DDX60L: variants seen among roughly 807,000 people sequenced by gnomAD.
DDX60L encodes the protein probable ATP-dependent RNA helicase DDX60-like.
DDX60L carries 191 observed loss-of-function variants against 211.6 expected under a neutral mutation model. The ratio of observed to expected loss-of-function variants is 0.90; its 90% confidence interval spans 0.80 to 1.02. The LOEUF (loss-of-function observed/expected upper bound fraction) is 1.02. DDX60L is among the 50% of genes least tolerant of loss of function. DDX60L has a pLI of 0.00. For synonymous variants in DDX60L, 706 were observed against 694.1 expected (o/e 1.02, Z -0.27); for missense variants, 2,007 against 1,984.1 (o/e 1.01, Z -0.22).
Position 168,441,384 on chromosome 4 carries a change from C to G in DDX60L, c.1247G>C (p.Arg416Thr). The G allele has an allele frequency of 6.2e-7, 1 of 1,612,058 alleles. No homozygotes were observed. The highest frequency in any genetic ancestry group is 8.5e-7 in the Non-Finnish European group (1 of 1,179,058). Reference sequence around the variant, plus strand: ...TCTAAGAAAATGTCTTCTTGTTGTTCTCAGAGGAAAAGACTTTCCAACGTT... The same window carrying G: ...TCTAAGAAAATGTCTTCTTGTTGTTGTCAGAGGAAAAGACTTTCCAACGTT... ...EFNVGKSFPL[R>T]TTRRHFLRQE... Residue 416 changes from arginine (R) to threonine (T), a missense_variant, in exon 10 of 38, where the codon AGA becomes ACA. Transcript: ENST00000682922.
rs747563569 is a variant in DDX60L, at chr4:168,472,714, G to A, written c.-15C>T. On this transcript the variant is annotated 5_prime_UTR_variant, in exon 2 of 38. Transcript: ENST00000682922. ...GAATTACCCATCGTTGCTGCTTCTT[G>A]GGCTACAGGGTAGAAGAGTAGAGCT... The A allele has an allele frequency of 4.3e-6, 7 of 1,613,214 alleles. No homozygotes were observed. The highest frequency in any genetic ancestry group is 3.3e-5 in the South Asian group (3 of 90,878).
At chr4:168,432,878 T>C (rs1005546836) in intron 11 of DDX60L, 132 bp downstream of exon 11, 1 of 533,726 alleles carries the variant, frequency 1.9e-6, no homozygotes, top group African/African-American at 2.0e-5. Flanking sequence ...CACTTAAATG[T>C]ATTATAGTCA....
In DDX60L at chr4:168,423,697, T is replaced by A; in HGVS notation, c.2008A>T (p.Ile670Phe). The change falls in exon 15 of 38, where the codon ATT becomes TTT. Residue 670 changes from isoleucine to phenylalanine, a missense_variant. Transcript: ENST00000682922. Reference protein sequence around the residue: ...IHSLLERYPEILEAEHHQYIA... With the variant: ...IHSLLERYPEFLEAEHHQYIA... Reference sequence around the variant, plus strand: ...TATTGATGATGTTCTGCTTCCAAAATTTCTGGGTATCTCTCCAGGAGTGAA... The same window carrying A: ...TATTGATGATGTTCTGCTTCCAAAAATTCTGGGTATCTCTCCAGGAGTGAA... 1 of 1,608,430 alleles carries A rather than the reference T, an allele frequency of 6.2e-7. No homozygotes were observed. The highest frequency in any genetic ancestry group is 2.2e-5 in the East Asian group (1 of 44,518).
intron 22 of DDX60L, among the ~76,000 whole-genome samples, chr4:168,406,967 A>G (rs983651495): frequency 1.3e-5 from 2 of 152,182 alleles, no homozygotes; most frequent in African/African-American, 4.8e-5. Context: ...TATTTGCACT[A>G]GATAATAAAC....
intron 36 of DDX60L, 90 bp from the exon 37 acceptor site, chr4:168,361,301 A>T: frequency 1.5e-5 from 12 of 785,138 alleles, no homozygotes; most frequent in South Asian, 5.8e-5. Context: ...TGTCCATGGC[A>T]GTTAATTTAT....
At chr4:168,388,640 C>A (rs563015280) in intron 29 of DDX60L, among the ~76,000 whole-genome samples, 1 of 152,276 alleles carries the variant, frequency 6.6e-6, no homozygotes, top group East Asian at 1.9e-4. Flanking sequence ...AGTTGCACAG[C>A]TAGTAAAGAA....
intron 8 of DDX60L, 25 bp downstream of exon 8, chr4:168,453,099 C>CA (rs761480845): frequency 3.1e-6 from 5 of 1,591,448 alleles, no homozygotes; most frequent in Non-Finnish European, 2.6e-6. Flanking sequence ...CATGTTCAGA[C>CA]AAAAAATAAA....
intron 34 of DDX60L, 47 bp downstream of exon 34, chr4:168,375,330 T>G: frequency 6.3e-7 from 1 of 1,577,650 alleles, no homozygotes; most frequent in Non-Finnish European, 8.6e-7. Context: ...TTAACCAAGA[T>G]TGTTTACTCT....
At chr4:168,459,758 G>GGGAAGGAAGAAAGGAGGGAAGGAA (rs1757051029) in intron 5 of DDX60L, among the ~76,000 whole-genome samples, 1 of 42,756 alleles carries the variant, frequency 2.3e-5, no homozygotes, top group Non-Finnish European at 4.7e-5. Flanking sequence ...ACCAAAGGGA[G>GGGAAGGAAGAAAGGAGGGAAGGAA]GGAAGGAAGG....
At chr4:168,427,399 T>G (rs1197054836) in intron 13 of DDX60L, 77 bp from the exon 14 acceptor site, 1 of 1,494,916 alleles carries the variant, frequency 6.7e-7, no homozygotes, top group Non-Finnish European at 9.0e-7. Flanking sequence ...GATTATTTTT[T>G]GTGCACTTAC....
intron 8 of DDX60L, 95 bp downstream of exon 8, chr4:168,453,029 T>C: frequency 7.9e-7 from 1 of 1,266,236 alleles, no homozygotes; most frequent in Non-Finnish European, 1.1e-6. Context: ...ATCAGCTAAT[T>C]AGATCTGGCA....
intron 30 of DDX60L, 39 bp downstream of exon 30, chr4:168,384,573 T>C (rs1271322217): frequency 5.6e-6 from 9 of 1,610,904 alleles, no homozygotes; most frequent in Non-Finnish European, 7.6e-6. Context: ...GCCAGGCCAG[T>C]GATGAAGACT....
chr4:168,384,346 G>A (rs1743481737), intron 30 of DDX60L, among the ~76,000 whole-genome samples: 1 of 152,004 alleles, frequency 6.6e-6, no homozygotes, highest in Admixed American at 6.6e-5. Context: ...AATTAGCTGG[G>A]CATGGTGGTG....
At chr4:168,395,806 G>A (rs1745658462) in intron 27 of DDX60L, 153 bp downstream of exon 27, 1 of 600,494 alleles carries the variant, frequency 1.7e-6, no homozygotes, top group Admixed American at 3.5e-5. Context: ...CATTAAATTG[G>A]GATAATCATT....
chr4:168,450,060 C>G (rs968838535), intron 8 of DDX60L, among the ~76,000 whole-genome samples: 4 of 152,066 alleles, frequency 2.6e-5, no homozygotes, highest in African/African-American at 7.2e-5. Context: ...CCTGGGGACT[C>G]GGCGGCCCAT....
rs776319797 is a variant in DDX60L at position 168,392,205 on chromosome 4, G to A, written c.3811-561C>T. Among the ~76,000 whole-genome samples, 151 of 152,122 alleles carry A rather than the reference G, an allele frequency of 9.9e-4. 1 individual carries two copies. The highest frequency in any genetic ancestry group is 1.6e-3 in the Non-Finnish European group (112 of 68,030). On this transcript the variant is annotated intron_variant, in intron 28 of 37. Coordinates refer to ENST00000682922, the MANE Select transcript of DDX60L (RefSeq NM_001012967.3). The stretch of plus-strand genomic sequence containing the variant: ...CTTATTCTCATGTTTGTTTATGGAG[G>A]TTTTATCCAAACAGCTAACTGATCT...
At chr4:168,465,482 GA>G (rs1198338618) in intron 4 of DDX60L, among the ~76,000 whole-genome samples, 2 of 152,000 alleles carry the variant, frequency 1.3e-5, no homozygotes, top group African/African-American at 2.4e-5. Flanking sequence ...TTCCTGTGCG[GA>G]AACTTTTTAG....
At chr4:168,371,790 C>T in intron 35 of DDX60L, 27 bp from the exon 36 acceptor site, 1 of 1,575,222 alleles carries the variant, frequency 6.3e-7, no homozygotes, top group Non-Finnish European at 8.7e-7. Context: ...TCTATTACTT[C>T]ATTACTGATA....
intron 24 of DDX60L, 78 bp from the exon 25 acceptor site, chr4:168,404,184 T>A: frequency 9.7e-7 from 1 of 1,027,290 alleles, no homozygotes. Context: ...ATTATTTTGT[T>A]GTCTAAAATT....
Sources: gnomAD v4.1 joint callset for allele counts (sites outside exome capture counted in the v4.1 genomes callset) on GRCh38, gnomAD v4.1.1 for gene constraint, MANE v1.5 for transcripts, NCBI Gene and HGNC (gene_info 2026-07-23, HGNC 2026-07-21) for gene names.